Variants in NLGN4Y observed in about 807,000 individuals in gnomAD.
NLGN4Y encodes neuroligin 4 Y-linked, also known as neuroligin-4, Y-linked.
A neutral mutation model predicts 8.4 loss-of-function variants in NLGN4Y; 4 were observed. That is an observed-to-expected ratio of 0.48 (90% CI 0.23 to 1.09). The LOEUF (loss-of-function observed/expected upper bound fraction) is 1.09, where lower values mean the gene tolerates loss of function less well. NLGN4Y is among the 50% of genes least tolerant of loss of function. The pLI, the probability that NLGN4Y is intolerant of heterozygous loss-of-function variation, is 0.19. For synonymous variants in NLGN4Y, 35 were observed against 75.6 expected (o/e 0.46, Z 2.78); for missense variants, 90 against 192.3 (o/e 0.47, Z 3.15).
intron 4 of NLGN4Y, among the ~76,000 whole-genome samples, chrY:14,779,765 T>C: frequency 3.0e-5 from 1 of 33,518 alleles, no homozygotes; most frequent in African/African-American, 1.2e-4. Context: ...CGTCATCTGG[T>C]GTGTATGTTA....
At chrY:14,706,798 AT>A (rs756674271) in intron 2 of NLGN4Y, among the ~76,000 whole-genome samples, 1,835 of 17,396 alleles carry the variant, frequency 0.11, no homozygotes, top group African/African-American at 0.46. Flanking sequence ...TTAAAAAAAA[AT>A]ATATATATAT....
intron 4 of NLGN4Y, among the ~76,000 whole-genome samples, chrY:14,732,911 C>A: frequency 3.0e-5 from 1 of 33,193 alleles, no homozygotes; most frequent in Admixed American, 2.8e-4. Context: ...AAATTGCCAG[C>A]AGGAGAAAAT....
chrY:14,644,735 G>A, intron 2 of NLGN4Y, among the ~76,000 whole-genome samples: 2 of 33,070 alleles, frequency 6.0e-5, no homozygotes. Flanking sequence ...ACTTTCTGTC[G>A]GTTTTTACCA....
intron 3 of NLGN4Y, among the ~76,000 whole-genome samples, chrY:14,721,996 TA>T (rs2080936493): frequency 8.9e-5 from 3 of 33,710 alleles, no homozygotes; most frequent in Non-Finnish European, 1.5e-4. Context: ...ATTTAAATAA[TA>T]AAGTAAATTA....
At chrY:14,664,581 T>G in intron 2 of NLGN4Y, among the ~76,000 whole-genome samples, 2 of 33,383 alleles carry the variant, frequency 6.0e-5, no homozygotes, top group African/African-American at 1.2e-4. Context: ...AAAACAAAGC[T>G]TAGGGAGACT....
chrY:14,783,319 C>T, intron 4 of NLGN4Y, among the ~76,000 whole-genome samples: 1 of 32,983 alleles, frequency 3.0e-5, no homozygotes, highest in African/African-American at 1.2e-4. Context: ...ATTTTTATTG[C>T]ATAAATTTTG....
chrY:14,640,639 T>G, intron 2 of NLGN4Y, among the ~76,000 whole-genome samples: 1 of 34,249 alleles, frequency 2.9e-5, no homozygotes, highest in African/African-American at 1.1e-4. Context: ...AAGGACTTTC[T>G]TCTGTTTTCT....
chrY:14,533,786 C>CA, intron 1 of NLGN4Y, among the ~76,000 whole-genome samples: 1 of 32,894 alleles, frequency 3.0e-5, no homozygotes, highest in South Asian at 7.0e-4. Flanking sequence ...GTGTGAAATT[C>CA]ACCTCCCTGT....
chrY:14,701,769 A>T, intron 2 of NLGN4Y, among the ~76,000 whole-genome samples: 1 of 32,783 alleles, frequency 3.1e-5, no homozygotes, highest in Admixed American at 2.9e-4. Flanking sequence ...GATAATTCAC[A>T]ATAATCTTAT....
chrY:14,537,317 G>A, intron 1 of NLGN4Y, among the ~76,000 whole-genome samples: 2 of 33,602 alleles, frequency 6.0e-5, no homozygotes, highest in Non-Finnish European at 7.4e-5. Flanking sequence ...GGGTGTTCCT[G>A]TAGATGCTTA....
intron 5 of NLGN4Y, among the ~76,000 whole-genome samples, chrY:14,826,321 GA>G (rs2043145249): frequency 3.3e-5 from 1 of 30,489 alleles, no homozygotes; most frequent in African/African-American, 1.3e-4. Flanking sequence ...AATCTTAATG[GA>G]ATTTTTCTTT....
At chrY:14,830,629 A>G in intron 6 of NLGN4Y, 110 bp downstream of exon 6, 1 of 219,534 alleles carries the variant, frequency 4.6e-6, no homozygotes, top group Non-Finnish European at 8.1e-6. Flanking sequence ...ATGCACACAT[A>G]TACACATACA....
intron 2 of NLGN4Y, among the ~76,000 whole-genome samples, chrY:14,701,195 G>GCACACA (rs371313575): frequency 1.3e-4 from 3 of 22,246 alleles, no homozygotes; most frequent in African/African-American, 3.3e-4. Flanking sequence ...GCATGCACAC[G>GCACACA]CACACACACA....
intron 4 of NLGN4Y, among the ~76,000 whole-genome samples, chrY:14,756,005 C>G: frequency 2.9e-5 from 1 of 33,954 alleles, no homozygotes; most frequent in South Asian, 6.3e-4. Flanking sequence ...AATACATTTC[C>G]TCTTCTCTGA....
At chrY:14,673,755 A>G (rs2080733946) in intron 2 of NLGN4Y, among the ~76,000 whole-genome samples, 1 of 33,425 alleles carries the variant, frequency 3.0e-5, no homozygotes, top group Non-Finnish European at 7.4e-5. Flanking sequence ...CATTATTCAC[A>G]ATAGCAAAGA....
At chrY:14,555,361 C>T in intron 1 of NLGN4Y, among the ~76,000 whole-genome samples, 1 of 32,998 alleles carries the variant, frequency 3.0e-5, no homozygotes, top group African/African-American at 1.2e-4. Flanking sequence ...TTGATAGTGC[C>T]TTTTCCTTGT....
chrY:14,551,241 G>C (rs926796682), intron 1 of NLGN4Y, among the ~76,000 whole-genome samples: 3 of 33,308 alleles, frequency 9.0e-5, no homozygotes, highest in Non-Finnish European at 2.2e-4. Flanking sequence ...ATAGCTAACT[G>C]TCTTAAATAT....
At position 14,841,982 on chromosome Y, in the gene NLGN4Y, C is replaced by G; in HGVS notation, c.*720C>G. ...CTTTTAGCAAGGTTGTGCTTTCAAA[C>G]ACATATTAGTCCTACCACCTTAGTT... On this transcript the variant is annotated 3_prime_UTR_variant, in exon 7 of 7. Transcript: ENST00000684976. The G allele has an allele frequency of 8.2e-6, 1 of 121,866 alleles. No individual in the cohort carries two copies. Among genetic ancestry groups the G allele is most frequent in the South Asian group, 3.9e-5 (1 of 25,710 alleles). The allele number at this position is 121,866 out of a possible 400,897, so 30.4% of individuals were successfully genotyped here.
rs766100220 is a variant in NLGN4Y, at chrY:14,670,138, A to T, written c.472+47547A>T. The stretch of plus-strand genomic sequence containing the variant: ...ATTTTCCCCTTTGTGGATTTGCAAA[A>T]TTTGGCTTGTGCAAAATGCCTGCCC... On this transcript the variant is annotated intron_variant, in intron 2 of 6. Transcript: ENST00000684976. Among the ~76,000 whole-genome samples, 10 of 34,649 alleles carry T rather than the reference A, an allele frequency of 2.9e-4. No homozygotes were observed. In the East Asian group the frequency reaches 6.9e-3, roughly 24 times the overall value. 93.0% of individuals were successfully genotyped at this position (34,649 alleles called of 37,273 possible).
Sources: allele counts gnomAD v4.1 joint callset (sites outside exome capture counted in the v4.1 genomes callset), GRCh38; gene constraint gnomAD v4.1.1; transcripts MANE v1.5; gene names NCBI Gene and HGNC (gene_info 2026-07-23, HGNC 2026-07-21).